The following KCNB2 variants were observed in gnomAD, a reference collection of about 807,000 sequenced individuals.
The protein encoded by KCNB2 is potassium voltage-gated channel subfamily B member 2.
Under a neutral mutation model 61.5 loss-of-function variants are expected in KCNB2, and 15 were observed. That is an observed-to-expected ratio of 0.24 (90% CI 0.16 to 0.38). The LOEUF (loss-of-function observed/expected upper bound fraction) is 0.38, where lower values mean the gene tolerates loss of function less well. KCNB2 is among the 10% of genes least tolerant of loss of function. The probability of loss-of-function intolerance (pLI) is 1.00; values close to 1 mark genes in which losing one functional copy is unlikely to be tolerated. For missense variants in KCNB2, 828 were observed against 1,125.2 expected (o/e 0.74, Z 3.78); for synonymous variants, 457 against 446.0 (o/e 1.02, Z -0.31).
At chr8:72,841,615 G>A (rs1450838555) in intron 2 of KCNB2, among the ~76,000 whole-genome samples, 2 of 152,212 alleles carry the variant, frequency 1.3e-5, no homozygotes, top group African/African-American at 4.8e-5. Context: ...TCCTTGGGCA[G>A]TGGTTTGTAG....
intron 2 of KCNB2, among the ~76,000 whole-genome samples, chr8:72,682,045 G>A (rs532824151): frequency 3.9e-5 from 6 of 152,250 alleles, no homozygotes; most frequent in South Asian, 2.1e-4. Flanking sequence ...GTAACAAGAA[G>A]GGTTTTTATT....
rs73686589 is a variant in KCNB2 at position 72,908,440 on chromosome 8, G to T, written c.580-27495G>T. Among the ~76,000 whole-genome samples the T allele has an allele frequency of 3.7e-3, 568 of 152,208 alleles. 2 individuals are homozygous for T. Among genetic ancestry groups the T allele is most frequent in the African/African-American group, 0.013 (533 of 41,518 alleles). On this transcript the variant is annotated intron_variant, in intron 2 of 2. Transcript: ENST00000523207. ...TGATTTTGTTCACCTATTTATTCCA[G>T]TACCTGGCCCACAATACTGCTCAGT...
Position 72,647,540 on chromosome 8 carries a change from CTA to C in KCNB2, c.579+79229_579+79230del, listed in dbSNP as rs1423913728. Among the ~76,000 whole-genome samples, 3 of 152,010 alleles carry C rather than the reference CTA, an allele frequency of 2.0e-5. No homozygotes were observed. In the East Asian group the frequency reaches 5.8e-4, roughly 29 times the overall value. On this transcript the variant is annotated intron_variant, in intron 2 of 2. Coordinates refer to ENST00000523207, the MANE Select transcript of KCNB2 (RefSeq NM_004770.3). ...TCCATGAAAAAATGAGAGCTCAGTA[CTA>C]TCAAAGATAAACACAGCTGTACATT...
intron 2 of KCNB2, among the ~76,000 whole-genome samples, chr8:72,926,373 C>T (rs1454470233): frequency 6.6e-6 from 1 of 152,114 alleles, no homozygotes; most frequent in African/African-American, 2.4e-5. Context: ...ATCTTGTTCT[C>T]AACTTATAAA....
chr8:72,864,838 T>C (rs540267262), intron 2 of KCNB2, among the ~76,000 whole-genome samples: 1 of 152,354 alleles, frequency 6.6e-6, no homozygotes, highest in East Asian at 1.9e-4. Context: ...GGCCAGGCTC[T>C]ATTAGAGCCC....
At chr8:72,761,256 C>G (rs1217035656) in intron 2 of KCNB2, among the ~76,000 whole-genome samples, 2 of 152,182 alleles carry the variant, frequency 1.3e-5, no homozygotes, top group Non-Finnish European at 2.9e-5. Flanking sequence ...GGTGCTGCCT[C>G]ACTGTGGACT....
At chr8:72,689,575 C>G (rs531140709) in intron 2 of KCNB2, among the ~76,000 whole-genome samples, 1 of 152,312 alleles carries the variant, frequency 6.6e-6, no homozygotes, top group South Asian at 2.1e-4. Context: ...CACTCCCAGC[C>G]CCAGGAAGCT....
intron 2 of KCNB2, among the ~76,000 whole-genome samples, chr8:72,919,566 G>A (rs1446697575): frequency 6.6e-6 from 1 of 152,188 alleles, no homozygotes; most frequent in Non-Finnish European, 1.5e-5. Context: ...CTTTGCAGCT[G>A]ATGAATATTT....
intron 2 of KCNB2, among the ~76,000 whole-genome samples, chr8:72,711,063 C>T (rs1006650969): frequency 6.6e-6 from 1 of 152,212 alleles, no homozygotes; most frequent in Admixed American, 6.5e-5. Flanking sequence ...CAGAGGGGCT[C>T]TTCTGAGCAT....
intron 2 of KCNB2, among the ~76,000 whole-genome samples, chr8:72,844,292 T>C (rs1426382655): frequency 6.6e-6 from 1 of 152,238 alleles, no homozygotes; most frequent in Non-Finnish European, 1.5e-5. Context: ...TTGTAGGGTT[T>C]CTGCTGAGAG....
At position 72,567,764 on chromosome 8, in the gene KCNB2, C is replaced by G. The variant is rs1391866292; in HGVS notation, c.30C>G (p.Asn10Lys). 2 of 1,591,772 alleles carry G rather than the reference C, an allele frequency of 1.3e-6. No individual in the cohort carries two copies. The highest frequency in any genetic ancestry group is 1.7e-6 in the Non-Finnish European group (2 of 1,170,476). MAEKAPPGL[N>K]RKTSRSTLSL... is the part of the protein sequence containing the mutation. ...CAGAAAAGGCTCCCCCGGGCTTAAACAGGAAGACTTCAAGGTCGACACTTT... is the reference window on the plus strand; with the variant it reads ...CAGAAAAGGCTCCCCCGGGCTTAAAGAGGAAGACTTCAAGGTCGACACTTT... Residue 10 changes from asparagine to lysine, a missense_variant, in exon 2 of 3, where the codon AAC becomes AAG. Around this residue, in one of 4 missense-constraint regions of KCNB2, gnomAD observed 62 missense variants for 54.8 expected, o/e 1.13. Coordinates refer to ENST00000523207, the MANE Select transcript of KCNB2 (RefSeq NM_004770.3).
intron 2 of KCNB2, among the ~76,000 whole-genome samples, chr8:72,601,464 G>A (rs1805349831): frequency 6.6e-6 from 1 of 152,164 alleles, no homozygotes; most frequent in African/African-American, 2.4e-5. Context: ...GGAGGCACAG[G>A]CCTTTCATCC....
intron 2 of KCNB2, among the ~76,000 whole-genome samples, chr8:72,885,294 T>G (rs1195859690): frequency 6.6e-6 from 1 of 152,172 alleles, no homozygotes; most frequent in African/African-American, 2.4e-5. Flanking sequence ...TTGTACTTTC[T>G]TGTTCACTTT....
At chr8:72,653,609 C>A (rs1164021005) in intron 2 of KCNB2, among the ~76,000 whole-genome samples, 1 of 152,088 alleles carries the variant, frequency 6.6e-6, no homozygotes, top group Non-Finnish European at 1.5e-5. Context: ...AACCATGTCC[C>A]ACTGGCCAAA....
chr8:72,554,674 A>C (rs1326709846), intron 1 of KCNB2, among the ~76,000 whole-genome samples: 1 of 152,062 alleles, frequency 6.6e-6, no homozygotes, highest in African/African-American at 2.4e-5. Context: ...GTTAGAGTGG[A>C]CCCCTTCTAA....
At chr8:72,568,969 A>G (rs572510930) in intron 2 of KCNB2, among the ~76,000 whole-genome samples, 2 of 152,202 alleles carry the variant, frequency 1.3e-5, no homozygotes, top group African/African-American at 4.8e-5. Flanking sequence ...AGAGTTCATA[A>G]AATATTTGCT....
At chr8:72,707,199 G>T (rs548589353) in intron 2 of KCNB2, among the ~76,000 whole-genome samples, 1 of 152,204 alleles carries the variant, frequency 6.6e-6, no homozygotes, top group South Asian at 2.1e-4. Flanking sequence ...CCTTATAACC[G>T]ACTTTAATGT....
chr8:72,866,094 C>A (rs1805512226), intron 2 of KCNB2, among the ~76,000 whole-genome samples: 1 of 152,164 alleles, frequency 6.6e-6, no homozygotes, highest in African/African-American at 2.4e-5. Context: ...GAAATGAGGA[C>A]CACAAAGAGC....
chr8:72,794,489 C>T (rs1332179385), intron 2 of KCNB2, among the ~76,000 whole-genome samples: 5 of 145,552 alleles, frequency 3.4e-5, no homozygotes, highest in African/African-American at 5.1e-5. Flanking sequence ...CGCTTGAACC[C>T]GGGAGACAGA....
Sources: gnomAD v4.1 joint callset for allele counts (sites outside exome capture counted in the v4.1 genomes callset) on GRCh38, gnomAD v4.1.1 for gene constraint, gnomAD v4.1.1 regional missense constraint, MANE v1.5 for transcripts, NCBI Gene and HGNC (gene_info 2026-07-23, HGNC 2026-07-21) for gene names.